Variants in PLEKHA7 observed in about 807,000 individuals in gnomAD.
PLEKHA7 encodes the protein pleckstrin homology domain containing A7.
In PLEKHA7, 104 loss-of-function variants were observed where a neutral mutation model predicts 170.0. That is an observed-to-expected ratio of 0.61 (90% CI 0.52 to 0.72). The LOEUF is 0.72. PLEKHA7 is among the 30% of genes least tolerant of loss of function. PLEKHA7 has a pLI of 0.00. For synonymous variants in PLEKHA7, 648 were observed against 660.8 expected (o/e 0.98, Z 0.30); for missense variants, 1,615 against 1,671.7 (o/e 0.97, Z 0.59).
chr11:16,947,012 C>G (rs1044415000), intron 3 of PLEKHA7, among the ~76,000 whole-genome samples: 4 of 152,166 alleles, frequency 2.6e-5, no homozygotes, highest in African/African-American at 9.7e-5. Flanking sequence ...CGCAGCTGCG[C>G]CAGCACCCCC....
chr11:16,953,882 A>G (rs1861547550), intron 3 of PLEKHA7, among the ~76,000 whole-genome samples: 1 of 152,248 alleles, frequency 6.6e-6, no homozygotes. Context: ...GAAACTGGTA[A>G]GACAGGAATG....
intron 3 of PLEKHA7, among the ~76,000 whole-genome samples, chr11:16,921,844 A>G (rs561453773): frequency 6.6e-6 from 1 of 152,256 alleles, no homozygotes; most frequent in Non-Finnish European, 1.5e-5. Context: ...AGGTTTTATT[A>G]TTCTCAAAGG....
intron 4 of PLEKHA7, among the ~76,000 whole-genome samples, chr11:16,868,715 T>G (rs1396330073): frequency 2.6e-5 from 4 of 152,118 alleles, no homozygotes; most frequent in African/African-American, 9.7e-5. Context: ...GGTACCTCCA[T>G]GACATCCAGG....
In PLEKHA7 at chr11:16,786,289, G is replaced by A. The variant is rs1307020325; in HGVS notation, c.3456C>T (p.Ala1152=). ...KEENGWLKVQ[A]MPVTELDLEP... ...CCAGGTCCAACTCAGTGACAGGCAT[G>A]GCCTGCACTTTCAACCAGCCATTCT... is the stretch of plus-strand genomic sequence containing the variant. The change falls in exon 24 of 27, where the codon GCC becomes GCT. Residue 1152 remains alanine (A), a synonymous_variant. Coordinates refer to ENST00000531066, the MANE Select transcript of PLEKHA7 (RefSeq NM_001329630.2). The A allele has an allele frequency of 6.5e-7, 1 of 1,536,126 alleles. No individual in the cohort carries two copies.
chr11:16,805,968 T>C (rs1848956843), intron 13 of PLEKHA7, among the ~76,000 whole-genome samples: 1 of 152,184 alleles, frequency 6.6e-6, no homozygotes, highest in Non-Finnish European at 1.5e-5. Context: ...CATCTGCTGC[T>C]ACTACAGCAC....
chr11:16,984,597 T>C (rs1863620673), intron 3 of PLEKHA7, among the ~76,000 whole-genome samples: 1 of 152,192 alleles, frequency 6.6e-6, no homozygotes, highest in African/African-American at 2.4e-5. Flanking sequence ...AGGCCTCTTC[T>C]GACCATTCCA....
intron 3 of PLEKHA7, among the ~76,000 whole-genome samples, chr11:17,012,841 T>C (rs938310011): frequency 1.3e-5 from 2 of 152,156 alleles, no homozygotes; most frequent in African/African-American, 4.8e-5. Flanking sequence ...GGCAGGGCAA[T>C]AGAACCGCAG....
chr11:16,803,674 C>G (rs1848756419), intron 13 of PLEKHA7: 2 of 217,068 alleles, frequency 9.2e-6, no homozygotes, highest in Admixed American at 1.1e-4. Context: ...GGAACAAACA[C>G]AAGTTACGAA....
intron 12 of PLEKHA7, chr11:16,815,379 C>T (rs1849673386): frequency 6.6e-6 from 1 of 152,614 alleles, no homozygotes; most frequent in Non-Finnish European, 1.5e-5. Context: ...GGTGTCAGTG[C>T]CAGGACAGCA....
At chr11:16,800,896 AG>A (rs1370547195) in intron 17 of PLEKHA7, 77 bp downstream of exon 17, 1 of 1,229,192 alleles carries the variant, frequency 8.1e-7, no homozygotes, top group Non-Finnish European at 1.2e-6. Flanking sequence ...CAACCCCCAC[AG>A]GTGAAGTCTC....
chr11:16,940,242 G>A (rs2136399117), intron 3 of PLEKHA7, among the ~76,000 whole-genome samples: 2 of 151,622 alleles, frequency 1.3e-5, no homozygotes, highest in South Asian at 4.2e-4. Context: ...ACTATTTTGG[G>A]GTAAGGGAAG....
chr11:16,911,995 C>A lies in PLEKHA7; in HGVS notation c.222-40813G>T, dbSNP rs191935287. On this transcript the variant is annotated intron_variant, in intron 3 of 26. Coordinates refer to ENST00000531066, the MANE Select transcript of PLEKHA7 (RefSeq NM_001329630.2). ...ACATCTCTGGAGGCTTCCCATCAAGCCAATCCCTCACATGAAAGCCCTGAT... is the reference window on the plus strand; with the variant it reads ...ACATCTCTGGAGGCTTCCCATCAAGACAATCCCTCACATGAAAGCCCTGAT... 2.6e-5 allele frequency among the ~76,000 whole-genome samples: 4 copies of A among 152,290 alleles called. No homozygotes were observed. In the East Asian group the frequency reaches 7.7e-4, roughly 29 times the overall value.
At chr11:16,891,963 A>G (rs1209251283) in intron 3 of PLEKHA7, among the ~76,000 whole-genome samples, 1 of 152,194 alleles carries the variant, frequency 6.6e-6, no homozygotes, top group Non-Finnish European at 1.5e-5. Flanking sequence ...TTGAACTAGG[A>G]TCAGTGGGTG....
At chr11:16,981,783 G>A (rs1383191920) in intron 3 of PLEKHA7, among the ~76,000 whole-genome samples, 2 of 152,150 alleles carry the variant, frequency 1.3e-5, no homozygotes, top group African/African-American at 4.8e-5. Flanking sequence ...CCAGAGCCCA[G>A]CAGCAGCATT....
intron 23 of PLEKHA7, 96 bp downstream of exon 23, chr11:16,789,000 C>A: frequency 7.0e-7 from 1 of 1,424,006 alleles, no homozygotes; most frequent in African/African-American, 1.4e-5. Flanking sequence ...ATGGACAGCT[C>A]TCTCACTGGG....
At chr11:16,813,587 C>G (rs1467993994) in intron 12 of PLEKHA7, among the ~76,000 whole-genome samples, 7 of 152,194 alleles carry the variant, frequency 4.6e-5, no homozygotes, top group Non-Finnish European at 8.8e-5. Context: ...ACTTCACATG[C>G]ATGAAGATGA....
chr11:16,990,826 G>T (rs1008278215), intron 3 of PLEKHA7, among the ~76,000 whole-genome samples: 1 of 152,140 alleles, frequency 6.6e-6, no homozygotes, highest in Non-Finnish European at 1.5e-5. Flanking sequence ...TATTGTTCTG[G>T]GCACAGCTTA....
At chr11:16,806,761 G>C (rs1399571589) in intron 13 of PLEKHA7, among the ~76,000 whole-genome samples, 1 of 152,190 alleles carries the variant, frequency 6.6e-6, no homozygotes, top group Admixed American at 6.5e-5. Context: ...TGGCATCTGA[G>C]GATACCCTGG....
intron 26 of PLEKHA7, chr11:16,781,108 A>T (rs1848990316): frequency 2.8e-6 from 2 of 724,404 alleles, no homozygotes; most frequent in Non-Finnish European, 3.4e-6. Context: ...CAGCTCCTGC[A>T]GCACCAGATG....
Sources: gnomAD v4.1 joint callset for allele counts (sites outside exome capture counted in the v4.1 genomes callset) on GRCh38, gnomAD v4.1.1 for gene constraint, MANE v1.5 for transcripts, NCBI Gene and HGNC (gene_info 2026-07-23, HGNC 2026-07-21) for gene names.